Variants in NWD2 observed in about 807,000 individuals in gnomAD.
The protein encoded by NWD2 is NACHT and WD repeat domain-containing protein 2.
Under a neutral mutation model 132.7 loss-of-function variants are expected in NWD2, and 37 were observed. The observed-to-expected ratio is 0.28, with a 90% CI of 0.21 to 0.37. NWD2 has a LOEUF of 0.37. Among genes scored for constraint, NWD2 ranks in the 10% least tolerant of loss-of-function variants. The probability of loss-of-function intolerance (pLI) is 1.00; values close to 1 mark genes in which losing one functional copy is unlikely to be tolerated. For synonymous variants in NWD2, 705 were observed against 803.0 expected (o/e 0.88, Z 2.06); for missense variants, 1,592 against 2,122.4 (o/e 0.75, Z 4.91).
intron 1 of NWD2, among the ~76,000 whole-genome samples, chr4:37,247,566 A>G (rs890815291): frequency 2.0e-5 from 3 of 152,170 alleles, no homozygotes; most frequent in Admixed American, 2.0e-4. Context: ...GAATTTCCCC[A>G]TCGGTAACGA....
At chr4:37,316,577 A>G (rs1427970873) in intron 1 of NWD2, among the ~76,000 whole-genome samples, 2 of 151,770 alleles carry the variant, frequency 1.3e-5, no homozygotes, top group Non-Finnish European at 1.5e-5. Flanking sequence ...CTTTCCCTTT[A>G]TCTTCTCCTT....
Position 37,447,256 on chromosome 4 carries a change from G to A in NWD2, c.*39G>A, listed in dbSNP as rs945487342. On this transcript the variant is annotated 3_prime_UTR_variant, in exon 7 of 7. Coordinates refer to ENST00000309447, the MANE Select transcript of NWD2 (RefSeq NM_001144990.2). ...AGCTAAGCAGAAATATGTGATCCAC[G>A]TACAGAAGGGAAAAAAATGTGCCCC... 35 of 1,438,136 alleles carry A rather than the reference G, an allele frequency of 2.4e-5. No homozygotes were observed. The highest frequency in any genetic ancestry group is 2.9e-5 in the African/African-American group (2 of 69,510). The allele number at this position is 1,438,136 out of a possible 1,614,324, so 89.1% of individuals were successfully genotyped here. A position where few individuals can be genotyped will look rare whatever the true frequency, so the allele number is the denominator to read the frequency against.
intron 1 of NWD2, among the ~76,000 whole-genome samples, chr4:37,263,404 A>G (rs544358875): frequency 5.5e-4 from 84 of 152,262 alleles, no homozygotes; most frequent in Admixed American, 2.4e-3. Flanking sequence ...TCAGTATGTC[A>G]ACAGTAGAGC....
chr4:37,394,709 G>T (rs12509354), intron 3 of NWD2, among the ~76,000 whole-genome samples: 6 of 148,854 alleles, frequency 4.0e-5, no homozygotes, highest in Admixed American at 6.7e-5. Context: ...ACGTATCCAC[G>T]TATATAGGAA....
intron 3 of NWD2, among the ~76,000 whole-genome samples, chr4:37,412,242 T>A (rs1721174706): frequency 6.6e-6 from 1 of 152,178 alleles, no homozygotes; most frequent in African/African-American, 2.4e-5. Flanking sequence ...AACCCCATCA[T>A]CTCAGCCCAA....
chr4:37,419,195 A>G (rs1404870753), intron 3 of NWD2, among the ~76,000 whole-genome samples: 1 of 152,228 alleles, frequency 6.6e-6, no homozygotes, highest in Admixed American at 6.5e-5. Flanking sequence ...CTGGCTAGCC[A>G]TATGCAGAAA....
chr4:37,385,807 A>T lies in NWD2; in HGVS notation c.357+29325A>T, dbSNP rs183388226. ...TGATAGAAATTAACTGGGAGGAAGGATGGATTTGGGGTATTATTGATAATA... is the reference window on the plus strand; with the variant it reads ...TGATAGAAATTAACTGGGAGGAAGGTTGGATTTGGGGTATTATTGATAATA... On this transcript the variant is annotated intron_variant, in intron 3 of 6. Transcript: ENST00000309447. Among the ~76,000 whole-genome samples the T allele has an allele frequency of 5.3e-5, 8 of 152,170 alleles. No individual in the cohort carries two copies. In the South Asian group the frequency reaches 6.2e-4, roughly 12 times the overall value.
intron 3 of NWD2, among the ~76,000 whole-genome samples, chr4:37,415,859 A>G (rs1324906137): frequency 6.6e-6 from 1 of 152,152 alleles, no homozygotes; most frequent in Non-Finnish European, 1.5e-5. Flanking sequence ...CACCATTTAA[A>G]CAACACTTAC....
intron 2 of NWD2, among the ~76,000 whole-genome samples, chr4:37,355,175 G>A (rs1042429728): frequency 8.5e-5 from 13 of 152,108 alleles, no homozygotes; most frequent in Admixed American, 7.9e-4. Flanking sequence ...TCTCAAATTG[G>A]ATAATGAAGT....
rs1208548007 is a variant in NWD2 at position 37,444,594 on chromosome 4, A to G, written c.2606A>G (p.Gln869Arg). The change falls in exon 7 of 7, where the codon CAG (glutamine) becomes CGG (arginine). Residue 869 changes from glutamine to arginine, a missense_variant. Gln to Arg is a conservative substitution (Grantham distance 43, BLOSUM62 1). Transcript: ENST00000309447. The surrounding 1 kb of genome is among the most constrained non-coding windows in gnomAD (Gnocchi z 4.8). ...SWLYTMIKIGQFDKVLSDIEL... is the reference protein window; with the variant it reads ...SWLYTMIKIGRFDKVLSDIEL... ...CTTTATACCATGATCAAAATTGGCC[A>G]GTTTGACAAAGTGCTTTCAGACATT... 6.4e-7 allele frequency: 1 copy of G among 1,552,000 alleles called. No homozygotes were observed. Among genetic ancestry groups the G allele is most frequent in the Non-Finnish European group, 8.7e-7 (1 of 1,147,054 alleles).
chr4:37,334,035 A>G (rs1719348352), intron 2 of NWD2, among the ~76,000 whole-genome samples: 1 of 152,096 alleles, frequency 6.6e-6, no homozygotes, highest in African/African-American at 2.4e-5. Flanking sequence ...AAAAAAGAAT[A>G]AAGAATGAAG....
chr4:37,397,521 T>C (rs1720822192), intron 3 of NWD2, among the ~76,000 whole-genome samples: 1 of 152,110 alleles, frequency 6.6e-6, no homozygotes, highest in African/African-American at 2.4e-5. Flanking sequence ...CCTTCAGGCT[T>C]GAGCTGCAAC....
chr4:37,327,871 G>A (rs1719205712), intron 2 of NWD2, among the ~76,000 whole-genome samples: 1 of 152,022 alleles, frequency 6.6e-6, no homozygotes, highest in South Asian at 2.1e-4. Context: ...CTTTGGTTGT[G>A]CACTGAACCC....
At chr4:37,340,888 G>A (rs772730178) in intron 2 of NWD2, among the ~76,000 whole-genome samples, 2 of 152,138 alleles carry the variant, frequency 1.3e-5, no homozygotes, top group African/African-American at 2.4e-5. Context: ...TTAGAAATAC[G>A]GAAGTAAATT....
chr4:37,390,409 A>ATG lies in NWD2; in HGVS notation c.357+33928_357+33929insGT, dbSNP rs3064358. Among the ~76,000 whole-genome samples the ATG allele has an allele frequency of 1.5e-3, 231 of 150,078 alleles. No individual in the cohort carries two copies. In the East Asian group the frequency reaches 0.018, roughly 11 times the overall value. On this transcript the variant is annotated intron_variant, in intron 3 of 6. Coordinates refer to ENST00000309447, the MANE Select transcript of NWD2 (RefSeq NM_001144990.2). ...CGTGTGTGCTTGGGCATAATCTGAA[A>ATG]TTTTTTTTTTTGACAGTGAGTTATT...
rs565873315 is a variant in NWD2, at chr4:37,370,965, C to T, written c.357+14483C>T. Among the ~76,000 whole-genome samples the T allele has an allele frequency of 9.2e-5, 14 of 152,046 alleles. 1 individual carries two copies. The highest frequency in any genetic ancestry group is 2.7e-4 in the African/African-American group (11 of 41,474). On this transcript the variant is annotated intron_variant, in intron 3 of 6. Transcript: ENST00000309447. Reference sequence around the variant, plus strand: ...AGGGACTTGGTACCCCCACACAGACCGCCACACCTGCTTACATACACCCAC... The same window carrying T: ...AGGGACTTGGTACCCCCACACAGACTGCCACACCTGCTTACATACACCCAC...
chr4:37,304,898 C>T (rs924522453), intron 1 of NWD2, among the ~76,000 whole-genome samples: 37 of 152,182 alleles, frequency 2.4e-4, no homozygotes, highest in Non-Finnish European at 4.0e-4. Flanking sequence ...TGCCCCGGCA[C>T]GGACAGTGTG....
intron 1 of NWD2, among the ~76,000 whole-genome samples, chr4:37,281,600 G>A (rs77373288): frequency 0.014 from 2,165 of 152,140 alleles, 59 homozygotes; most frequent in African/African-American, 0.049. Flanking sequence ...TACTAACCCT[G>A]TGAGATTCGT....
chr4:37,380,807 A>G (rs1001183207), intron 3 of NWD2, among the ~76,000 whole-genome samples: 1 of 152,208 alleles, frequency 6.6e-6, no homozygotes, highest in Non-Finnish European at 1.5e-5. Flanking sequence ...GGCAGGTGGA[A>G]TTCGGAGGCT....
Sources: gnomAD v4.1 joint callset for allele counts (sites outside exome capture counted in the v4.1 genomes callset) on GRCh38, gnomAD v4.1.1 for gene constraint, Gnocchi (gnomAD v3.1) non-coding constraint, MANE v1.5 for transcripts, NCBI Gene and HGNC (gene_info 2026-07-23, HGNC 2026-07-21) for gene names.